The following ANO2 variants were observed in gnomAD, a reference collection of about 807,000 sequenced individuals.
The protein encoded by ANO2 is anoctamin 2.
In ANO2, 101 loss-of-function variants were observed where a neutral mutation model predicts 124.2. That is an observed-to-expected ratio of 0.81 (90% confidence interval 0.69 to 0.96). The LOEUF (loss-of-function observed/expected upper bound fraction) is 0.96. Ranked by LOEUF, ANO2 falls within the 40% of genes least tolerant of loss-of-function variation. ANO2 has a pLI of 0.00. For synonymous variants in ANO2, 486 were observed against 482.5 expected, an observed-to-expected ratio of 1.01 and a Z score of -0.09; for missense variants, 1,293 against 1,274.5, an observed-to-expected ratio of 1.01 and a Z score of -0.22.
At chr12:5,817,392 T>C (rs1953643911) in intron 7 of ANO2, among the ~76,000 whole-genome samples, 2 of 152,158 alleles carry the variant, frequency 1.3e-5, no homozygotes, top group Admixed American at 1.3e-4. Flanking sequence ...TCAAATCAAC[T>C]GAGTAGAATG....
chr12:5,888,011 G>A (rs1302369696), intron 3 of ANO2, among the ~76,000 whole-genome samples: 1 of 152,154 alleles, frequency 6.6e-6, no homozygotes, highest in East Asian at 1.9e-4. Context: ...CGCAATTGGT[G>A]GGTTCTTGGT....
Position 5,903,647 on chromosome 12 carries a change from A to ATGTGTGTGTGTG in ANO2, c.534+17381_534+17392dup, listed in dbSNP as rs143239619. Among the ~76,000 whole-genome samples the ATGTGTGTGTGTG allele has an allele frequency of 3.3e-3, 495 of 148,540 alleles. 3 individuals are homozygous for ATGTGTGTGTGTG. The highest frequency in any genetic ancestry group is 0.01 in the African/African-American group (415 of 40,046). On this transcript the variant is annotated intron_variant, in intron 3 of 24. Transcript: ENST00000682330. ...AGTAAGACAGCTAGGATGTGCAAAGATGTGTGTGTGTGTGTGTGTGTGTGT... is the reference window on the plus strand; with the variant it reads ...AGTAAGACAGCTAGGATGTGCAAAGATGTGTGTGTGTGTGTGTGTGTGTGTGTGTGTGTGTGT...
chr12:5,607,188 C>T (rs145868082), intron 19 of ANO2, among the ~76,000 whole-genome samples: 1 of 152,060 alleles, frequency 6.6e-6, no homozygotes, highest in South Asian at 2.1e-4. Flanking sequence ...GAGCCAGGAA[C>T]AGAAGAGAAA....
At chr12:5,937,764 G>A (rs1333297534) in intron 1 of ANO2, among the ~76,000 whole-genome samples, 2 of 152,072 alleles carry the variant, frequency 1.3e-5, no homozygotes, top group African/African-American at 2.4e-5. Flanking sequence ...TTCTCAAGAG[G>A]CTCTAATCTG....
At chr12:5,881,048 T>C (rs1938469800) in intron 3 of ANO2, among the ~76,000 whole-genome samples, 1 of 152,166 alleles carries the variant, frequency 6.6e-6, no homozygotes, top group African/African-American at 2.4e-5. Flanking sequence ...ACCAGAGCAA[T>C]GGACAAAGAT....
At chr12:5,566,031 G>T (rs1017310388) in intron 23 of ANO2, among the ~76,000 whole-genome samples, 1 of 152,186 alleles carries the variant, frequency 6.6e-6, no homozygotes, top group Non-Finnish European at 1.5e-5. Flanking sequence ...CTCTGTGTGG[G>T]TAGGGGAGAC....
chr12:5,939,834 G>A (rs1942822766), intron 1 of ANO2, among the ~76,000 whole-genome samples: 1 of 152,222 alleles, frequency 6.6e-6, no homozygotes, highest in African/African-American at 2.4e-5. Context: ...ATAAGGTCGA[G>A]CTGTGTGTTC....
intron 14 of ANO2, among the ~76,000 whole-genome samples, 174 bp downstream of exon 14, chr12:5,732,346 A>G (rs1950674950): frequency 6.6e-6 from 1 of 152,098 alleles, no homozygotes; most frequent in Non-Finnish European, 1.5e-5. Flanking sequence ...GAGAAAGCCC[A>G]TTGCCCATGA....
At chr12:5,597,237 C>T (rs776678637) in intron 20 of ANO2, among the ~76,000 whole-genome samples, 28 of 151,948 alleles carry the variant, frequency 1.8e-4, no homozygotes, top group Non-Finnish European at 3.2e-4. Context: ...TTTCCTGATC[C>T]TCTCCCTCTT....
At chr12:5,883,478 T>C (rs528392294) in intron 3 of ANO2, among the ~76,000 whole-genome samples, 11 of 151,258 alleles carry the variant, frequency 7.3e-5, no homozygotes, top group Admixed American at 2.6e-4. Flanking sequence ...GGTCTGTGCA[T>C]GTGTGCGTGT....
chr12:5,744,427 A>T, intron 11 of ANO2, 110 bp from the exon 12 acceptor site: 2 of 1,195,290 alleles, frequency 1.7e-6, no homozygotes, highest in Non-Finnish European at 2.4e-6. Context: ...TGAGTTTTTC[A>T]ACTCCATAAG....
intron 3 of ANO2, among the ~76,000 whole-genome samples, chr12:5,892,880 C>T (rs1360800392): frequency 6.6e-6 from 1 of 152,188 alleles, no homozygotes; most frequent in South Asian, 2.1e-4. Context: ...ACTATTCTCA[C>T]TTCTTAAATT....
At chr12:5,782,731 G>C (rs1476647103) in intron 10 of ANO2, among the ~76,000 whole-genome samples, 1 of 152,132 alleles carries the variant, frequency 6.6e-6, no homozygotes, top group Non-Finnish European at 1.5e-5. Context: ...TAACCCAAAG[G>C]TCACAAGTTT....
chr12:5,694,251 C>CAGACAG (rs1555137018), intron 14 of ANO2, among the ~76,000 whole-genome samples: 16 of 133,968 alleles, frequency 1.2e-4, no homozygotes, highest in African/African-American at 4.4e-4. Flanking sequence ...TTACCAGAGA[C>CAGACAG]AGAGAGAGAG....
chr12:5,789,615 C>A (rs1952640228), intron 10 of ANO2, among the ~76,000 whole-genome samples: 1 of 152,214 alleles, frequency 6.6e-6, no homozygotes, highest in Admixed American at 6.5e-5. Flanking sequence ...CTGTCAACAT[C>A]TTTGAATACC....
intron 1 of ANO2, among the ~76,000 whole-genome samples, chr12:5,931,417 G>T (rs1357606181): frequency 6.6e-6 from 1 of 152,082 alleles, no homozygotes; most frequent in Non-Finnish European, 1.5e-5. Context: ...AAAACATTGG[G>T]AATTAAAGCT....
chr12:5,714,541 G>C (rs1949943232), intron 14 of ANO2, among the ~76,000 whole-genome samples: 1 of 152,148 alleles, frequency 6.6e-6, no homozygotes, highest in African/African-American at 2.4e-5. Context: ...TAAAAAATAT[G>C]CACAACTGGG....
At chr12:5,718,561 T>A (rs541399994) in intron 14 of ANO2, among the ~76,000 whole-genome samples, 11 of 152,344 alleles carry the variant, frequency 7.2e-5, no homozygotes, top group Admixed American at 5.9e-4. Flanking sequence ...AAAGCACATG[T>A]TTATGCGAGG....
chr12:5,822,622 G>A (rs766103630), intron 7 of ANO2, among the ~76,000 whole-genome samples: 2 of 152,190 alleles, frequency 1.3e-5, no homozygotes, highest in Non-Finnish European at 2.9e-5. Context: ...ATTCCTGGGG[G>A]TGATCAACCA....
Sources: gnomAD v4.1 joint callset for allele counts (sites outside exome capture counted in the v4.1 genomes callset) on GRCh38, gnomAD v4.1.1 for gene constraint, MANE v1.5 for transcripts, NCBI Gene and HGNC (gene_info 2026-07-23, HGNC 2026-07-21) for gene names.